Variants in BTNL8 observed in about 807,000 individuals in gnomAD.
BTNL8 encodes the protein butyrophilin-like protein 8.
BTNL8 carries 22 observed loss-of-function variants against 36.1 expected under a neutral mutation model. The observed-to-expected ratio is 0.61, with a 90% CI of 0.44 to 0.87. The LOEUF is 0.87. Ranked by LOEUF, BTNL8 falls within the 40% of genes least tolerant of loss-of-function variation. The pLI is 0.00. For synonymous variants in BTNL8, 203 were observed against 235.6 expected (o/e 0.86, Z 1.27); for missense variants, 526 against 616.9 (o/e 0.85, Z 1.56).
intron 3 of BTNL8, among the ~76,000 whole-genome samples, chr5:180,922,523 G>A (rs1339245206): frequency 6.7e-6 from 1 of 149,528 alleles, no homozygotes; most frequent in African/African-American, 2.5e-5. Context: ...TGTTAGCCTT[G>A]ATCTGTAATC....
chr5:180,948,473 G>A (rs1023790186), intron 5 of BTNL8, 98 bp downstream of exon 5: 103 of 1,607,202 alleles, frequency 6.4e-5, no homozygotes, highest in Non-Finnish European at 7.9e-5. Flanking sequence ...GCTGCAGGCT[G>A]GACAGGAAGC....
In BTNL8 at chr5:180,911,323, CCT is replaced by C. The variant is rs1757382560; in HGVS notation, c.398-15_398-14del. The C allele has an allele frequency of 1.9e-6, 3 of 1,612,666 alleles. No homozygotes were observed. The highest frequency in any genetic ancestry group is 2.5e-6 in the Non-Finnish European group (3 of 1,179,174). ...ATGTGATCTTTGCTTTCAACCGTTCCCTGTTTTCTCCCCAGCACTGGGCTCAG... is the reference window on the plus strand; with the variant it reads ...ATGTGATCTTTGCTTTCAACCGTTCCGTTTTCTCCCCAGCACTGGGCTCAG... On this transcript the variant is annotated splice_polypyrimidine_tract_variant and intron_variant, in intron 2 of 7. Transcript: ENST00000340184.
chr5:180,914,208 C>A (rs1757524607), intron 3 of BTNL8, among the ~76,000 whole-genome samples: 1 of 152,126 alleles, frequency 6.6e-6, no homozygotes, highest in South Asian at 2.1e-4. Context: ...GGGTTAGTGC[C>A]TTATAAAAGG....
At chr5:180,939,149 A>G (rs1395588015) in intron 3 of BTNL8, among the ~76,000 whole-genome samples, 1 of 152,226 alleles carries the variant, frequency 6.6e-6, no homozygotes, top group African/African-American at 2.4e-5. Flanking sequence ...ATACAAAATA[A>G]TGAACAAAAA....
intron 3 of BTNL8, among the ~76,000 whole-genome samples, chr5:180,945,131 G>A (rs1759174430): frequency 6.6e-6 from 1 of 152,128 alleles, no homozygotes; most frequent in South Asian, 2.1e-4. Context: ...TCACTCAATG[G>A]AACAGGATGG....
chr5:180,929,293 C>T lies in BTNL8; in HGVS notation c.673+17679C>T, dbSNP rs140376401. Among the ~76,000 whole-genome samples the T allele has an allele frequency of 2.0e-3, 305 of 152,254 alleles. 2 individuals carry two copies. The highest frequency in any genetic ancestry group is 7.1e-3 in the African/African-American group (297 of 41,544). Reference sequence around the variant, plus strand: ...GAACAAAGACACAATGTACCAGAACCTCTGGGACACAGCTAAAGCACTGTT... The same window carrying T: ...GAACAAAGACACAATGTACCAGAACTTCTGGGACACAGCTAAAGCACTGTT... On this transcript the variant is annotated intron_variant, in intron 3 of 7. Coordinates refer to ENST00000340184, the MANE Select transcript of BTNL8 (RefSeq NM_001040462.3).
intron 3 of BTNL8, among the ~76,000 whole-genome samples, chr5:180,937,804 T>A (rs1305730073): frequency 6.6e-6 from 1 of 152,084 alleles, no homozygotes; most frequent in Non-Finnish European, 1.5e-5. Flanking sequence ...AATCTATGAA[T>A]GCCTGAAAAG....
chr5:180,944,800 A>C (rs2113862213), intron 3 of BTNL8, among the ~76,000 whole-genome samples: 1 of 152,330 alleles, frequency 6.6e-6, no homozygotes, highest in Admixed American at 6.5e-5. Flanking sequence ...ATCAATACAA[A>C]GTAAAATAAA....
intron 3 of BTNL8, among the ~76,000 whole-genome samples, chr5:180,938,725 A>C (rs1421239362): frequency 6.6e-6 from 1 of 151,868 alleles, no homozygotes; most frequent in Non-Finnish European, 1.5e-5. Flanking sequence ...TTTAGTAGAG[A>C]CGGGGTTTCG....
intron 3 of BTNL8, among the ~76,000 whole-genome samples, chr5:180,913,877 C>T (rs1024733669): frequency 6.6e-6 from 1 of 152,108 alleles, no homozygotes; most frequent in Admixed American, 6.5e-5. Flanking sequence ...AATCATGGGC[C>T]GCCAAGTTGC....
intron 3 of BTNL8, among the ~76,000 whole-genome samples, chr5:180,937,108 C>T (rs1265119069): frequency 6.6e-6 from 1 of 152,170 alleles, no homozygotes; most frequent in African/African-American, 2.4e-5. Flanking sequence ...TGGTGTCCAC[C>T]ACTGATGGTG....
Position 180,950,168 on chromosome 5 carries a change from G to T in BTNL8, c.1127G>T (p.Gly376Val). ...TACGTGACTTTGTCTCCCGATCATG[G>T]GTACTGGGTCCTCAGACTGAATGGA... The part of the protein sequence containing the change: ...KEYVTLSPDH[G>V]YWVLRLNGEH... Residue 376 changes from glycine to valine, a missense_variant, in exon 8 of 8, where the codon GGG (glycine) becomes GTG (valine). Around this residue, in one of 2 missense-constraint regions of BTNL8, gnomAD observed 176 missense variants for 292.3 expected, o/e 0.60. Transcript: ENST00000340184. 1 of 1,462,740 alleles carries T rather than the reference G, an allele frequency of 6.8e-7. No individual in the cohort carries two copies. The highest frequency in any genetic ancestry group is 9.4e-7 in the Non-Finnish European group (1 of 1,058,784). 90.6% of individuals were successfully genotyped at this position (1,462,740 alleles called of 1,614,324 possible).
At chr5:180,914,685 GTGACA>G (rs1757545096) in intron 3 of BTNL8, among the ~76,000 whole-genome samples, 1 of 152,190 alleles carries the variant, frequency 6.6e-6, no homozygotes, top group South Asian at 2.1e-4. Context: ...CTTTTAAGAA[GTGACA>G]TGATTAGGAT....
At chr5:180,913,785 G>A (rs1309916032) in intron 3 of BTNL8, among the ~76,000 whole-genome samples, 1 of 152,210 alleles carries the variant, frequency 6.6e-6, no homozygotes, top group Non-Finnish European at 1.5e-5. Context: ...TTGAGAAGCA[G>A]AGCCCTGCCA....
chr5:180,949,606 T>G lies in BTNL8; in HGVS notation c.863-298T>G. ...AAATTCTGAGTGGGAGGAAGTTAGATAGTGGGGTCCCTCCAGCTCTTATGA... is the reference window on the plus strand; with the variant it reads ...AAATTCTGAGTGGGAGGAAGTTAGAGAGTGGGGTCCCTCCAGCTCTTATGA... On this transcript the variant is annotated intron_variant, in intron 7 of 7. Coordinates refer to ENST00000340184, the MANE Select transcript of BTNL8 (RefSeq NM_001040462.3). The G allele has an allele frequency of 3.8e-6, 2 of 524,270 alleles. 1 individual carries two copies. 32.5% of individuals were successfully genotyped at this position (524,270 alleles called of 1,614,324 possible).
intron 3 of BTNL8, among the ~76,000 whole-genome samples, chr5:180,936,893 A>G (rs919204473): frequency 2.0e-5 from 3 of 152,166 alleles, no homozygotes; most frequent in Non-Finnish European, 4.4e-5. Flanking sequence ...CATGTTCCCC[A>G]GGAATTGGGA....
chr5:180,950,684 C>A lies in BTNL8; in HGVS notation c.*140C>A. ...CATGGGAGTCAGGTGTCATGGCTGC[C>A]CTGAGCTGGGAGGGAAGAAGGCTGA... On this transcript the variant is annotated 3_prime_UTR_variant, in exon 8 of 8. Coordinates refer to ENST00000340184, the MANE Select transcript of BTNL8 (RefSeq NM_001040462.3). The A allele has an allele frequency of 1.1e-6, 1 of 895,350 alleles. No homozygotes were observed. Among genetic ancestry groups the A allele is most frequent in the Non-Finnish European group, 1.6e-6 (1 of 608,470 alleles). The allele number at this position is 895,350 out of a possible 1,614,324, so 55.5% of individuals were successfully genotyped here. A position where few individuals can be genotyped will look rare whatever the true frequency, so the allele number is the denominator to read the frequency against.
chr5:180,926,314 T>A (rs1758096122), intron 3 of BTNL8, among the ~76,000 whole-genome samples: 1 of 152,182 alleles, frequency 6.6e-6, no homozygotes, highest in Non-Finnish European at 1.5e-5. Context: ...GCTTTTCCCA[T>A]GGTCTTTGCA....
chr5:180,932,556 A>C (rs1204792440), intron 3 of BTNL8, among the ~76,000 whole-genome samples: 1 of 152,014 alleles, frequency 6.6e-6, no homozygotes, highest in Non-Finnish European at 1.5e-5. Flanking sequence ...TCACCATGTT[A>C]GCTAGGATGG....
Sources: allele counts gnomAD v4.1 joint callset (sites outside exome capture counted in the v4.1 genomes callset), GRCh38; gene constraint gnomAD v4.1.1; regional missense constraint gnomAD v4.1.1; transcripts MANE v1.5; gene names NCBI Gene and HGNC (gene_info 2026-07-23, HGNC 2026-07-21).